MYO16: variants seen among roughly 807,000 people sequenced by gnomAD.
The protein encoded by MYO16 is unconventional myosin-XVI.
In MYO16, 94 loss-of-function variants were observed where a neutral mutation model predicts 205.3. The ratio of observed to expected loss-of-function variants is 0.46; its 90% CI spans 0.39 to 0.54. The LOEUF (loss-of-function observed/expected upper bound fraction) is 0.54, where lower values mean the gene tolerates loss of function less well. Ranked by LOEUF, MYO16 falls within the 20% of genes least tolerant of loss-of-function variation. The pLI, the probability that MYO16 is intolerant of heterozygous loss-of-function variation, is 0.00. For missense variants in MYO16, 2,315 were observed against 2,387.5 expected (o/e 0.97, Z 0.63); for synonymous variants, 988 against 954.0 (o/e 1.04, Z -0.66).
At chr13:108,664,992 A>T (rs1881661749) in intron 1 of MYO16, among the ~76,000 whole-genome samples, 1 of 152,222 alleles carries the variant, frequency 6.6e-6, no homozygotes, top group Non-Finnish European at 1.5e-5. Context: ...CTTTATACTT[A>T]ACCACAGGTT....
intron 12 of MYO16, among the ~76,000 whole-genome samples, chr13:108,868,094 A>T (rs1878814159): frequency 6.6e-6 from 1 of 152,206 alleles, no homozygotes; most frequent in Non-Finnish European, 1.5e-5. Flanking sequence ...TGTCTTTTGA[A>T]GCAAGAATAT....
intron 28 of MYO16, chr13:109,101,505 G>T (rs561656689): frequency 6.6e-6 from 1 of 152,218 alleles, no homozygotes; most frequent in Non-Finnish European, 1.5e-5. Flanking sequence ...TGCAGAAAAA[G>T]AAAATAACCT....
intron 15 of MYO16, among the ~76,000 whole-genome samples, chr13:108,906,688 T>G (rs1284871553): frequency 6.6e-6 from 1 of 152,174 alleles, no homozygotes; most frequent in East Asian, 1.9e-4. Context: ...AATGAGGCAA[T>G]GTTAGAAGGA....
intron 22 of MYO16, among the ~76,000 whole-genome samples, chr13:109,013,055 G>T (rs1342991402): frequency 1.4e-5 from 2 of 147,752 alleles, no homozygotes; most frequent in South Asian, 2.2e-4. Context: ...GTGTTGGTTT[G>T]CTGCACCCAT....
chr13:109,143,403 C>G (rs1374089732), intron 32 of MYO16, among the ~76,000 whole-genome samples: 1 of 152,134 alleles, frequency 6.6e-6, no homozygotes, highest in Non-Finnish European at 1.5e-5. Flanking sequence ...TGAAATTGTA[C>G]TTCTAAATAG....
intron 12 of MYO16, among the ~76,000 whole-genome samples, chr13:108,880,476 TA>T (rs1879557581): frequency 6.6e-6 from 1 of 152,232 alleles, no homozygotes; most frequent in African/African-American, 2.4e-5. Flanking sequence ...GGTTTTCTTC[TA>T]GGGTTTTTAT....
At chr13:108,666,737 C>T (rs1011500660) in intron 2 of MYO16, among the ~76,000 whole-genome samples, 3 of 152,300 alleles carry the variant, frequency 2.0e-5, no homozygotes, top group African/African-American at 7.2e-5. Context: ...AGTTGTTTGG[C>T]TTGTGGTATC....
At chr13:108,541,867 T>C in the MYO16 span, among the ~76,000 whole-genome samples, 1 of 152,204 alleles carries the variant, frequency 6.6e-6, no homozygotes, top group African/African-American at 2.4e-5. Flanking sequence ...CTGGTAGGAA[T>C]GTAAATTAGT....
chr13:108,614,117 G>C lies in MYO16; in HGVS notation c.-39+17878G>C, dbSNP rs914285231. Among the ~76,000 whole-genome samples the C allele has an allele frequency of 2.6e-5, 4 of 152,160 alleles. No individual in the cohort carries two copies. The South Asian group carries it at 8.3e-4, about 32-fold the overall frequency. On this transcript the variant is annotated intron_variant, in intron 1 of 24. Transcript: ENST00000251041. ...TATAAAATGTAGAACCAATAAATGAGTTCTGAATGTTTACAGGATACAATA... is the reference window on the plus strand; with the variant it reads ...TATAAAATGTAGAACCAATAAATGACTTCTGAATGTTTACAGGATACAATA...
chr13:108,893,143 A>T (rs1180630257), intron 14 of MYO16, among the ~76,000 whole-genome samples: 1 of 152,232 alleles, frequency 6.6e-6, no homozygotes, highest in Non-Finnish European at 1.5e-5. Flanking sequence ...CATGAATATC[A>T]TTCAGTGTCC....
At chr13:108,862,515 A>G (rs1392013052) in intron 11 of MYO16, among the ~76,000 whole-genome samples, 88 of 152,272 alleles carry the variant, frequency 5.8e-4, no homozygotes, top group Non-Finnish European at 7.4e-5. Flanking sequence ...GCATGATCAC[A>G]GCACCTTTGT....
At chr13:109,009,929 G>T (rs566117317) in intron 22 of MYO16, among the ~76,000 whole-genome samples, 2 of 152,094 alleles carry the variant, frequency 1.3e-5, no homozygotes, top group Non-Finnish European at 2.9e-5. Context: ...CTTCAAACCG[G>T]CAGGACTGTA....
the MYO16 span, among the ~76,000 whole-genome samples, chr13:108,542,468 A>G: frequency 2.0e-5 from 3 of 152,300 alleles, no homozygotes; most frequent in African/African-American, 7.2e-5. Context: ...CTGAACCTAA[A>G]ATAAAAGTTA....
chr13:108,733,765 A>T (rs182156013), intron 4 of MYO16, among the ~76,000 whole-genome samples: 1 of 152,204 alleles, frequency 6.6e-6, no homozygotes, highest in African/African-American at 2.4e-5. Context: ...GATCGAGACC[A>T]TCCACCATCC....
Position 109,055,805 on chromosome 13 carries a change from GA to G in MYO16, c.3335+211del. On this transcript the variant is annotated intron_variant, in intron 27 of 34. Coordinates refer to ENST00000457511, the MANE Select transcript of MYO16 (RefSeq NM_001198950.3). This position sits in a 1 kb window ranked among gnomAD's most constrained non-coding sequence, Gnocchi z 5.0. ...TAAAAAATAATTAAACTGTACTGAG[GA>G]CAGTATCTTGGAAACCATTCTCATG... 6 of 489,014 alleles carry G rather than the reference GA, an allele frequency of 1.2e-5. No homozygotes were observed. The highest frequency in any genetic ancestry group is 3.3e-5 in the South Asian group (1 of 30,486). The allele number at this position is 489,014 out of a possible 1,614,324, so 30.3% of individuals were successfully genotyped here. A position where few individuals can be genotyped will look rare whatever the true frequency, so the allele number is the denominator to read the frequency against.
At chr13:108,705,416 T>C (rs887541310) in intron 2 of MYO16, among the ~76,000 whole-genome samples, 15 of 152,190 alleles carry the variant, frequency 9.9e-5, no homozygotes, top group African/African-American at 3.6e-4. Flanking sequence ...GGCATTTTAT[T>C]ATCTCTCATC....
In MYO16 at chr13:109,120,347, T is replaced by A. The variant is rs191743214; in HGVS notation, c.3439-23T>A. On this transcript the variant is annotated intron_variant, in intron 28 of 34. Transcript: ENST00000457511. ...TTTGGTATCTTCATGCTGTTAAATG[T>A]TTCCCTGCTGTTTGCATTTTAGATG... The A allele has an allele frequency of 4.1e-4, 629 of 1,533,628 alleles. 1 individual carries two copies. The highest frequency in any genetic ancestry group is 1.2e-3 in the Middle Eastern group (7 of 5,870).
the MYO16 span, among the ~76,000 whole-genome samples, chr13:108,503,324 G>A: frequency 1.3e-5 from 2 of 152,170 alleles, no homozygotes; most frequent in African/African-American, 4.8e-5. Context: ...GAGCTGCAAG[G>A]CAGGGGCCAG....
chr13:108,912,122 A>G (rs1881294215), intron 16 of MYO16, among the ~76,000 whole-genome samples: 1 of 152,198 alleles, frequency 6.6e-6, no homozygotes, highest in East Asian at 1.9e-4. Flanking sequence ...CTGAACTCCT[A>G]GAACTGCTTG....
Sources: allele counts gnomAD v4.1 joint callset (sites outside exome capture counted in the v4.1 genomes callset), GRCh38; gene constraint gnomAD v4.1.1; non-coding constraint Gnocchi (gnomAD v3.1); transcripts MANE v1.5; gene names NCBI Gene and HGNC (gene_info 2026-07-23, HGNC 2026-07-21).